NELL1: variants seen among roughly 807,000 people sequenced by gnomAD.
NELL1 encodes protein kinase C-binding protein NELL1.
A neutral mutation model predicts 107.4 loss-of-function variants in NELL1; 76 were observed. That is an observed-to-expected ratio of 0.71 (90% confidence interval 0.59 to 0.86). NELL1 has a LOEUF of 0.86. Among genes scored for constraint, NELL1 ranks in the 40% least tolerant of loss-of-function variants. The probability of loss-of-function intolerance (pLI) is 0.00; values close to 1 mark genes in which losing one functional copy is unlikely to be tolerated. For synonymous variants in NELL1, 353 were observed against 341.2 expected, an observed-to-expected ratio of 1.03 and a Z score of -0.38; for missense variants, 1,024 against 1,005.5, an observed-to-expected ratio of 1.02 and a Z score of -0.25.
In NELL1 at chr11:20,819,230, C is replaced by T. The variant is rs957722950; in HGVS notation, c.336-28353C>T. ...TGCATGTACAGCATTGATTCGAGGC[C>T]ATGATGGACTTTCAGTCTAGATAAA... On this transcript the variant is annotated intron_variant, in intron 3 of 19. Coordinates refer to ENST00000357134, the MANE Select transcript of NELL1 (RefSeq NM_006157.5). Among the ~76,000 whole-genome samples, 6 of 152,258 alleles carry T rather than the reference C, an allele frequency of 3.9e-5. No individual in the cohort carries two copies. In the East Asian group the frequency reaches 1.2e-3, roughly 29 times the overall value.
chr11:20,792,574 G>T (rs1171612887), intron 3 of NELL1, among the ~76,000 whole-genome samples: 1 of 151,844 alleles, frequency 6.6e-6, no homozygotes, highest in Non-Finnish European at 1.5e-5. Flanking sequence ...AAGAATAGCT[G>T]TTATATTTTA....
At chr11:20,754,999 C>T (rs934841388) in intron 2 of NELL1, among the ~76,000 whole-genome samples, 5 of 152,162 alleles carry the variant, frequency 3.3e-5, no homozygotes, top group East Asian at 3.9e-4. Flanking sequence ...TCAAATATTT[C>T]GCATTATACA....
intron 15 of NELL1, among the ~76,000 whole-genome samples, chr11:21,496,897 A>G (rs1335463339): frequency 6.6e-6 from 1 of 151,832 alleles, no homozygotes; most frequent in Non-Finnish European, 1.5e-5. Flanking sequence ...TGTCCTTGCA[A>G]TAGTTTGCTG....
chr11:20,801,301 G>T (rs1857276422), intron 3 of NELL1, among the ~76,000 whole-genome samples: 1 of 152,174 alleles, frequency 6.6e-6, no homozygotes, highest in Non-Finnish European at 1.5e-5. Flanking sequence ...GGCCCCTGTA[G>T]CCACTGAAGA....
chr11:21,531,512 G>A (rs898886543), intron 15 of NELL1, among the ~76,000 whole-genome samples: 4 of 152,136 alleles, frequency 2.6e-5, no homozygotes, highest in African/African-American at 9.7e-5. Flanking sequence ...ATACTCCATA[G>A]TATCTCACTC....
intron 9 of NELL1, among the ~76,000 whole-genome samples, chr11:20,935,299 G>A (rs1036610147): frequency 5.3e-5 from 8 of 152,190 alleles, no homozygotes; most frequent in Non-Finnish European, 1.0e-4. Flanking sequence ...TAAAGGGTAA[G>A]AACAAGTTCT....
At chr11:21,473,094 A>G (rs1407097780) in intron 15 of NELL1, among the ~76,000 whole-genome samples, 3 of 152,026 alleles carry the variant, frequency 2.0e-5, no homozygotes, top group South Asian at 4.1e-4. Context: ...AGATAAGCCT[A>G]TAGAAGATCA....
intron 14 of NELL1, among the ~76,000 whole-genome samples, chr11:21,257,606 C>G (rs1043006152): frequency 6.6e-6 from 1 of 151,996 alleles, no homozygotes; most frequent in African/African-American, 2.4e-5. Flanking sequence ...AGGTGAACTC[C>G]TGAACATTCC....
intron 12 of NELL1, among the ~76,000 whole-genome samples, chr11:21,003,140 C>T (rs74363179): frequency 0.013 from 2,005 of 152,092 alleles, 46 homozygotes; most frequent in African/African-American, 0.045. Context: ...AGGATCTGTG[C>T]GGAATAAATT....
At chr11:21,450,965 C>T (rs1590942010) in intron 15 of NELL1, among the ~76,000 whole-genome samples, 1 of 151,382 alleles carries the variant, frequency 6.6e-6, no homozygotes, top group Admixed American at 6.6e-5. Flanking sequence ...CCGAGGCGGG[C>T]GGATCATGAG....
At chr11:21,475,556 C>T (rs997445002) in intron 15 of NELL1, among the ~76,000 whole-genome samples, 1 of 152,162 alleles carries the variant, frequency 6.6e-6, no homozygotes, top group Non-Finnish European at 1.5e-5. Context: ...GAGTTTGATT[C>T]CTCCCTGCTT....
intron 16 of NELL1, among the ~76,000 whole-genome samples, chr11:21,547,644 G>A (rs756577261): frequency 2.6e-5 from 4 of 151,916 alleles, no homozygotes; most frequent in Non-Finnish European, 4.4e-5. Context: ...CTATCAATGT[G>A]ATTTTCTGCA....
intron 13 of NELL1, among the ~76,000 whole-genome samples, chr11:21,175,423 G>T (rs1012710226): frequency 2.6e-5 from 4 of 151,786 alleles, no homozygotes; most frequent in Non-Finnish European, 4.4e-5. Context: ...TATGAGAAGG[G>T]ATTTCTGGCA....
At chr11:21,248,129 G>C (rs929360152) in intron 14 of NELL1, among the ~76,000 whole-genome samples, 3 of 152,214 alleles carry the variant, frequency 2.0e-5, no homozygotes, top group Admixed American at 2.0e-4. Context: ...TGGATGGCTT[G>C]AGCTCAGGAG....
chr11:21,159,047 CTTA>C (rs1213116843), intron 13 of NELL1, among the ~76,000 whole-genome samples: 1 of 152,058 alleles, frequency 6.6e-6, no homozygotes, highest in East Asian at 1.9e-4. Context: ...TAATGACTTT[CTTA>C]TTATTGAGAC....
intron 13 of NELL1, among the ~76,000 whole-genome samples, chr11:21,210,818 G>A (rs1026491796): frequency 1.1e-4 from 16 of 152,058 alleles, no homozygotes; most frequent in East Asian, 3.9e-4. Flanking sequence ...TCATTTTTAA[G>A]CTCTTCTCTT....
At chr11:20,821,688 A>C (rs928542882) in intron 3 of NELL1, among the ~76,000 whole-genome samples, 6 of 152,238 alleles carry the variant, frequency 3.9e-5, no homozygotes, top group Admixed American at 3.3e-4. Flanking sequence ...GAGCCTCAGC[A>C]GCTAGATCTT....
intron 15 of NELL1, among the ~76,000 whole-genome samples, chr11:21,510,087 G>A (rs929047245): frequency 6.6e-6 from 1 of 152,198 alleles, no homozygotes; most frequent in African/African-American, 2.4e-5. Context: ...CGGCACTTGA[G>A]TTGAATGGCA....
intron 13 of NELL1, among the ~76,000 whole-genome samples, chr11:21,127,401 C>T (rs1209371477): frequency 1.3e-5 from 2 of 151,992 alleles, no homozygotes; most frequent in Non-Finnish European, 2.9e-5. Flanking sequence ...TCAAAACCAG[C>T]CTGGTCAACA....
Sources: allele counts gnomAD v4.1 joint callset (sites outside exome capture counted in the v4.1 genomes callset), GRCh38; gene constraint gnomAD v4.1.1; transcripts MANE v1.5; gene names NCBI Gene and HGNC (gene_info 2026-07-23, HGNC 2026-07-21).